The following PTPRD variants were observed in gnomAD, a reference collection of about 807,000 sequenced individuals.
PTPRD encodes protein tyrosine phosphatase receptor type D.
PTPRD carries 34 observed loss-of-function variants against 214.5 expected under a neutral mutation model. That is an observed-to-expected ratio of 0.16 (90% CI 0.12 to 0.21). The LOEUF (loss-of-function observed/expected upper bound fraction) is 0.21. Ranked by LOEUF, PTPRD falls within the 10% of genes least tolerant of loss-of-function variation. The pLI is 1.00. For missense variants in PTPRD, 2,545 were observed against 2,398.7 expected (o/e 1.06, Z -1.27); for synonymous variants, 1,128 against 845.7 (o/e 1.33, Z -5.79).
intron 3 of PTPRD, among the ~76,000 whole-genome samples, chr9:10,334,854 AGAAAAT>A (rs909559496): frequency 3.3e-5 from 5 of 151,726 alleles, no homozygotes; most frequent in African/African-American, 9.7e-5. Context: ...TTAGTGCCCA[AGAAAAT>A]GAAATACTTT....
intron 11 of PTPRD, among the ~76,000 whole-genome samples, chr9:8,834,633 A>G (rs2097372920): frequency 6.6e-6 from 1 of 152,198 alleles, no homozygotes; most frequent in Admixed American, 6.6e-5. Context: ...GTTCACAGCA[A>G]TAGTATGAGG....
intron 12 of PTPRD, among the ~76,000 whole-genome samples, chr9:8,725,119 T>C (rs1227121139): frequency 1.3e-5 from 2 of 152,194 alleles, no homozygotes; most frequent in South Asian, 2.1e-4. Context: ...GGAAAATTCC[T>C]GTATGATTGT....
intron 4 of PTPRD, among the ~76,000 whole-genome samples, chr9:10,027,399 C>T (rs574674885): frequency 2.7e-4 from 41 of 152,294 alleles, no homozygotes; most frequent in Non-Finnish European, 5.6e-4. Context: ...TTCCCTAGTT[C>T]ACAAACATGG....
At chr9:8,389,090 G>C (rs1465843907) in intron 37 of PTPRD, 142 bp downstream of exon 37, 3 of 554,530 alleles carry the variant, frequency 5.4e-6, no homozygotes, top group African/African-American at 2.0e-5. Context: ...TTTAATTAGA[G>C]TTGTTGATGC....
chr9:10,435,552 T>C (rs1234749162), intron 2 of PTPRD, among the ~76,000 whole-genome samples: 1 of 151,848 alleles, frequency 6.6e-6, no homozygotes, highest in African/African-American at 2.4e-5. Flanking sequence ...ATCACTGCAT[T>C]AGACCTCTGT....
At chr9:9,203,833 G>A (rs543861117) in intron 9 of PTPRD, among the ~76,000 whole-genome samples, 2 of 152,164 alleles carry the variant, frequency 1.3e-5, no homozygotes, top group Non-Finnish European at 2.9e-5. Context: ...TTCTTATGTA[G>A]AAAATGGCTA....
chr9:9,357,574 C>A (rs779394367), intron 9 of PTPRD, among the ~76,000 whole-genome samples: 8 of 150,904 alleles, frequency 5.3e-5, no homozygotes, highest in Non-Finnish European at 1.0e-4. Flanking sequence ...TTTAAAAGAC[C>A]ATATAAGAAT....
intron 10 of PTPRD, among the ~76,000 whole-genome samples, chr9:9,094,085 GA>G: frequency 6.6e-6 from 1 of 152,192 alleles, no homozygotes; most frequent in Non-Finnish European, 1.5e-5. Context: ...TTCTTTTTAA[GA>G]AACAAAGTAC....
chr9:8,379,117 T>C (rs2084158518), intron 37 of PTPRD, among the ~76,000 whole-genome samples: 1 of 152,228 alleles, frequency 6.6e-6, no homozygotes, highest in Non-Finnish European at 1.5e-5. Context: ...AAATAAACAT[T>C]TCAAACTCAA....
chr9:8,470,098 T>A (rs2096622887), intron 31 of PTPRD, among the ~76,000 whole-genome samples: 1 of 152,144 alleles, frequency 6.6e-6, no homozygotes, highest in Non-Finnish European at 1.5e-5. Flanking sequence ...AATTAAAATC[T>A]CATATTTGCC....
intron 2 of PTPRD, among the ~76,000 whole-genome samples, chr9:10,343,403 G>A (rs1597573049): frequency 6.6e-6 from 1 of 152,234 alleles, no homozygotes; most frequent in African/African-American, 2.4e-5. Flanking sequence ...TTGGTTCCAA[G>A]TCTTTGCTGT....
intron 2 of PTPRD, among the ~76,000 whole-genome samples, chr9:10,499,353 T>C (rs1436911164): frequency 6.6e-6 from 1 of 151,874 alleles, no homozygotes. Flanking sequence ...CTTACTAAAC[T>C]CGATAGATTA....
intron 2 of PTPRD, among the ~76,000 whole-genome samples, chr9:10,372,775 G>A (rs951087324): frequency 4.0e-5 from 6 of 151,658 alleles, no homozygotes; most frequent in African/African-American, 1.5e-4. Context: ...TCATTACAAA[G>A]TGTGACTAGC....
At chr9:8,429,897 C>A (rs1280931964) in intron 35 of PTPRD, among the ~76,000 whole-genome samples, 1 of 152,172 alleles carries the variant, frequency 6.6e-6, no homozygotes, top group East Asian at 1.9e-4. Context: ...CGAGTTAATA[C>A]ATAGCTTTAA....
chr9:10,220,450 A>G (rs2099565979), intron 3 of PTPRD, among the ~76,000 whole-genome samples: 1 of 151,904 alleles, frequency 6.6e-6, no homozygotes, highest in African/African-American at 2.4e-5. Context: ...TACCCAGGCA[A>G]GTATATCTCT....
chr9:9,059,082 T>A lies in PTPRD; in HGVS notation c.-142-40347A>T, dbSNP rs76026166. Among the ~76,000 whole-genome samples the A allele has an allele frequency of 5.0e-3, 765 of 152,078 alleles. 8 individuals are homozygous for A. Among genetic ancestry groups the A allele is most frequent in the East Asian group, 0.039 (201 of 5,158 alleles). On this transcript the variant is annotated intron_variant, in intron 10 of 45. Transcript: ENST00000381196. Reference sequence around the variant, plus strand: ...ACTTGGTGGCTCAAGAACTGAAAGTTTGGAACAGAGGCAGTGAGTCATACC... The same window carrying A: ...ACTTGGTGGCTCAAGAACTGAAAGTATGGAACAGAGGCAGTGAGTCATACC...
At chr9:9,654,064 G>A (rs544765565) in intron 7 of PTPRD, among the ~76,000 whole-genome samples, 30 of 152,208 alleles carry the variant, frequency 2.0e-4, no homozygotes, top group Non-Finnish European at 3.1e-4. Context: ...TTAGATCAAA[G>A]ACTTCAGCTG....
At chr9:8,389,113 A>T in intron 37 of PTPRD, 119 bp downstream of exon 37, 1 of 768,576 alleles carries the variant, frequency 1.3e-6, no homozygotes, top group Non-Finnish European at 2.0e-6. Flanking sequence ...ATTCATAATT[A>T]GTATCTGTTA....
rs149124850 is a variant in PTPRD, at chr9:8,455,229, C to G, written c.3875+5182G>C. 1.7e-3 allele frequency among the ~76,000 whole-genome samples: 252 copies of G among 152,130 alleles called. 6 individuals carry two copies. The East Asian group carries it at 0.041, about 25-fold the overall frequency. ...TCTTCAGTTTAGGAAAATATAATAC[C>G]CATCATTATAAATCTACAGAGCATG... On this transcript the variant is annotated intron_variant, in intron 33 of 45. Transcript: ENST00000381196.
Sources: allele counts gnomAD v4.1 joint callset (sites outside exome capture counted in the v4.1 genomes callset), GRCh38; gene constraint gnomAD v4.1.1; transcripts MANE v1.5; gene names NCBI Gene and HGNC (gene_info 2026-07-23, HGNC 2026-07-21).